NDUFS4: variants seen among roughly 807,000 people sequenced by gnomAD.
The protein encoded by NDUFS4 is NADH:ubiquinone oxidoreductase subunit S4.
Under a neutral mutation model 24.3 loss-of-function variants are expected in NDUFS4, and 28 were observed. The ratio of observed to expected loss-of-function variants is 1.15; its 90% CI spans 0.85 to 1.58. NDUFS4 has a LOEUF of 1.58. NDUFS4 is among the 40% of genes most tolerant of loss of function. The pLI is 0.00. For synonymous variants in NDUFS4, 93 were observed against 69.7 expected (o/e 1.34, Z -1.67); for missense variants, 223 against 207.9 (o/e 1.07, Z -0.45).
chr5:53,570,936 G>A (rs566748915), intron 1 of NDUFS4, among the ~76,000 whole-genome samples: 5 of 151,896 alleles, frequency 3.3e-5, no homozygotes, highest in Middle Eastern at 3.4e-3. Flanking sequence ...TGCCTGCCTC[G>A]GCCTCCCAAA....
intron 1 of NDUFS4, among the ~76,000 whole-genome samples, chr5:53,601,153 G>A (rs12523552): frequency 0.16 from 24,876 of 151,758 alleles, 2,266 homozygotes; most frequent in Non-Finnish European, 0.21. Context: ...ACAGGGGCCC[G>A]CTGCTACGCC....
chr5:53,682,429 C>A (rs1028383030), intron 4 of NDUFS4, among the ~76,000 whole-genome samples: 1 of 151,780 alleles, frequency 6.6e-6, no homozygotes, highest in Admixed American at 6.6e-5. Context: ...TTTCCTGGGC[C>A]CCCACCAGAG....
chr5:53,601,193 C>T (rs1318421326), intron 1 of NDUFS4, among the ~76,000 whole-genome samples: 4 of 151,786 alleles, frequency 2.6e-5, no homozygotes, highest in African/African-American at 9.7e-5. Flanking sequence ...TTAGTAGAGA[C>T]GGGGTTTCAC....
chr5:53,664,748 G>A (rs535600795), intron 4 of NDUFS4, among the ~76,000 whole-genome samples: 1 of 152,114 alleles, frequency 6.6e-6, no homozygotes, highest in South Asian at 2.1e-4. Flanking sequence ...TTTTTTCAAG[G>A]TTTTTAACTT....
rs1750709713 is a variant in NDUFS4 at position 53,611,920 on chromosome 5, T to C, written c.177+8390T>C. On this transcript the variant is annotated intron_variant, in intron 2 of 4. Coordinates refer to ENST00000296684, the MANE Select transcript of NDUFS4 (RefSeq NM_002495.4). ...ATGCTCTTTAAAGATTTTGAGTAGG[T>C]ACTCCCCTAAAAAACAACCAAAATA... 2.6e-5 allele frequency among the ~76,000 whole-genome samples: 4 copies of C among 152,246 alleles called. No individual in the cohort carries two copies. In the South Asian group the frequency reaches 8.3e-4, roughly 32 times the overall value.
chr5:53,624,601 G>A (rs1561370254), intron 2 of NDUFS4, among the ~76,000 whole-genome samples: 1 of 152,140 alleles, frequency 6.6e-6, no homozygotes, highest in Non-Finnish European at 1.5e-5. Context: ...CATTGTAAAT[G>A]GGATTGTTTT....
intron 1 of NDUFS4, among the ~76,000 whole-genome samples, chr5:53,584,182 T>G (rs1749666812): frequency 6.6e-6 from 1 of 152,246 alleles, no homozygotes; most frequent in Non-Finnish European, 1.5e-5. Context: ...GATTATTGTT[T>G]ATATGTCTGC....
intron 4 of NDUFS4, among the ~76,000 whole-genome samples, chr5:53,669,466 G>C (rs1752607373): frequency 6.6e-6 from 1 of 152,036 alleles, no homozygotes; most frequent in Non-Finnish European, 1.5e-5. Flanking sequence ...TTCATATGCT[G>C]TCTCATTTCT....
chr5:53,679,475 C>A (rs1294360303), intron 4 of NDUFS4, among the ~76,000 whole-genome samples: 1 of 152,118 alleles, frequency 6.6e-6, no homozygotes. Flanking sequence ...CCAGCTCACT[C>A]CTTAGTTACC....
At chr5:53,641,557 CA>C (rs1412179101) in intron 2 of NDUFS4, among the ~76,000 whole-genome samples, 1 of 152,050 alleles carries the variant, frequency 6.6e-6, no homozygotes, top group Non-Finnish European at 1.5e-5. Flanking sequence ...AACAAACAAA[CA>C]AAAGTTGGTT....
intron 4 of NDUFS4, among the ~76,000 whole-genome samples, chr5:53,675,102 T>C (rs1029121460): frequency 2.6e-4 from 40 of 151,786 alleles, no homozygotes; most frequent in African/African-American, 9.2e-4. Context: ...ATTTTAAGAT[T>C]ACTCAATTTA....
intron 4 of NDUFS4, among the ~76,000 whole-genome samples, chr5:53,662,261 G>GT (rs1022630266): frequency 6.6e-5 from 10 of 152,224 alleles, no homozygotes; most frequent in Non-Finnish European, 1.2e-4. Context: ...TAATCATGTG[G>GT]TTTTTGTCTT....
At chr5:53,594,937 G>T (rs1579850270) in intron 1 of NDUFS4, among the ~76,000 whole-genome samples, 2 of 151,460 alleles carry the variant, frequency 1.3e-5, no homozygotes, top group South Asian at 2.1e-4. Context: ...GAATTCTTTG[G>T]TACATGATGT....
intron 2 of NDUFS4, among the ~76,000 whole-genome samples, chr5:53,617,924 A>G (rs546319971): frequency 1.2e-4 from 19 of 152,316 alleles, no homozygotes; most frequent in African/African-American, 4.3e-4. Flanking sequence ...TCCTCATCTT[A>G]TAAAATGAAT....
chr5:53,598,697 T>G (rs1171466181), intron 1 of NDUFS4, among the ~76,000 whole-genome samples: 1 of 152,096 alleles, frequency 6.6e-6, no homozygotes, highest in African/African-American at 2.4e-5. Context: ...AAGACAAAAA[T>G]CTCACCAAAC....
intron 2 of NDUFS4, among the ~76,000 whole-genome samples, chr5:53,618,058 C>G (rs1272348065): frequency 6.6e-6 from 1 of 152,164 alleles, no homozygotes; most frequent in East Asian, 1.9e-4. Flanking sequence ...GTGAGGATCA[C>G]TTGAGCCTAG....
chr5:53,676,696 G>A (rs1740479856), intron 4 of NDUFS4, among the ~76,000 whole-genome samples: 1 of 152,152 alleles, frequency 6.6e-6, no homozygotes, highest in Non-Finnish European at 1.5e-5. Context: ...AAACAAGAAG[G>A]CAGAGCATTA....
intron 1 of NDUFS4, among the ~76,000 whole-genome samples, chr5:53,580,663 CTCTCTT>C (rs1749530815): frequency 6.8e-6 from 1 of 146,592 alleles, no homozygotes; most frequent in Non-Finnish European, 1.5e-5. Context: ...CTTTCTTTCT[CTCTCTT>C]TCTTTCTTTC....
intron 1 of NDUFS4, among the ~76,000 whole-genome samples, chr5:53,575,378 G>A (rs947436651): frequency 2.6e-5 from 4 of 151,934 alleles, no homozygotes; most frequent in Admixed American, 2.6e-4. Context: ...GAGATACAGG[G>A]TACAGTGTGC....
Sources: gnomAD v4.1 joint callset for allele counts (sites outside exome capture counted in the v4.1 genomes callset) on GRCh38, gnomAD v4.1.1 for gene constraint, MANE v1.5 for transcripts, NCBI Gene and HGNC (gene_info 2026-07-23, HGNC 2026-07-21) for gene names.